The following FGF12 variants were observed in gnomAD, a reference collection of about 807,000 sequenced individuals.
The protein encoded by FGF12 is fibroblast growth factor 12B.
In FGF12, 14 loss-of-function variants were observed where a neutral mutation model predicts 23.6. That is an observed-to-expected ratio of 0.59 (90% CI 0.39 to 0.93). FGF12 has a LOEUF of 0.93. FGF12 is among the 40% of genes least tolerant of loss of function. The probability of loss-of-function intolerance (pLI) is 0.00; values close to 1 mark genes in which losing one functional copy is unlikely to be tolerated. For missense variants in FGF12, 175 were observed against 217.8 expected (o/e 0.80, Z 1.24); for synonymous variants, 62 against 77.3 (o/e 0.80, Z 1.04).
At position 192,158,310 on chromosome 3, in the gene FGF12, T is replaced by TTTTCTCTTTCTTTC. The variant is rs879262178; in HGVS notation, c.427+12134_427+12147dup. Among the ~76,000 whole-genome samples the TTTTCTCTTTCTTTC allele has an allele frequency of 7.7e-3, 1,028 of 132,960 alleles. 33 individuals carry two copies. The highest frequency in any genetic ancestry group is 0.018 in the East Asian group (74 of 4,130). 87.2% of individuals were successfully genotyped at this position (132,960 alleles called of 152,430 possible). A position where few individuals can be genotyped will look rare whatever the true frequency, so the allele number is the denominator to read the frequency against. Reference sequence around the variant, plus strand: ...GGAAATAGACCTGCCTGCTTTTCCCTTTTCTCTTTCTTTCTTTCTTTCTCT... The same window carrying TTTTCTCTTTCTTTC: ...GGAAATAGACCTGCCTGCTTTTCCCTTTTCTCTTTCTTTCTTTCTCTTTCTTTCTTTCTTTCTCT... On this transcript the variant is annotated intron_variant, in intron 5 of 5. Transcript: ENST00000445105.
At chr3:192,399,983 A>G (rs1720690419) in intron 2 of FGF12, among the ~76,000 whole-genome samples, 1 of 152,180 alleles carries the variant, frequency 6.6e-6, no homozygotes, top group Non-Finnish European at 1.5e-5. Context: ...CAACCGGAGG[A>G]TCCTCAAGTC....
chr3:192,512,852 A>ATC (rs1724527971), intron 2 of FGF12, among the ~76,000 whole-genome samples: 1 of 131,202 alleles, frequency 7.6e-6, no homozygotes, highest in Non-Finnish European at 1.6e-5. Context: ...ATATATATAT[A>ATC]TATATATAAC....
chr3:192,400,246 G>A lies in FGF12; in HGVS notation c.14-39708C>T, dbSNP rs149511650. Among the ~76,000 whole-genome samples the A allele has an allele frequency of 3.2e-4, 48 of 152,180 alleles. No individual in the cohort carries two copies. In the East Asian group the frequency reaches 4.6e-3, roughly 15 times the overall value. On this transcript the variant is annotated intron_variant, in intron 2 of 5. Coordinates refer to ENST00000445105, the MANE Select transcript of FGF12 (RefSeq NM_004113.6). ...ATTTGTGTTTGTAAAATCACTTGAC[G>A]ATTCGAAGGCCAATGAGTGTTTCTT...
At chr3:192,607,543 A>G (rs1714384245) in intron 2 of FGF12, among the ~76,000 whole-genome samples, 1 of 152,142 alleles carries the variant, frequency 6.6e-6, no homozygotes, top group South Asian at 2.1e-4. Flanking sequence ...ACTAAATATG[A>G]TGTCAATGCC....
Position 192,408,281 on chromosome 3 carries a change from C to G in FGF12, c.14-47743G>C. 6.7e-7 allele frequency: 1 copy of G among 1,497,292 alleles called. No homozygotes were observed. Among genetic ancestry groups the G allele is most frequent in the Non-Finnish European group, 8.9e-7 (1 of 1,128,626 alleles). The allele number at this position is 1,497,292 out of a possible 1,614,324, so 92.8% of individuals were successfully genotyped here. A position where few individuals can be genotyped will look rare whatever the true frequency, so the allele number is the denominator to read the frequency against. On this transcript the variant is annotated intron_variant, in intron 2 of 5. Coordinates refer to ENST00000445105, the MANE Select transcript of FGF12 (RefSeq NM_004113.6). The surrounding 1 kb of genome is among the most constrained non-coding windows in gnomAD (Gnocchi z 7.3). ...CTACTGCGCCCTCCGGCTTGCGCTC[C>G]GCCGGGGCGAGGGCAGGACCTGGGC... is the stretch of plus-strand genomic sequence containing the variant.
At chr3:192,578,639 T>A (rs1713011461) in intron 2 of FGF12, among the ~76,000 whole-genome samples, 1 of 152,194 alleles carries the variant, frequency 6.6e-6, no homozygotes. Flanking sequence ...TAGATATTCT[T>A]CTGCTATGAT....
chr3:192,391,892 T>C (rs1300711014), intron 2 of FGF12, among the ~76,000 whole-genome samples: 1 of 152,200 alleles, frequency 6.6e-6, no homozygotes, highest in Non-Finnish European at 1.5e-5. Flanking sequence ...GAGACTTAGA[T>C]TGGAGACGGT....
At chr3:192,400,824 C>T (rs553672285) in intron 2 of FGF12, among the ~76,000 whole-genome samples, 188 of 152,320 alleles carry the variant, frequency 1.2e-3, no homozygotes, top group Middle Eastern at 0.01. Flanking sequence ...CGACTCTCCA[C>T]TCATAGTCTA....
At chr3:192,693,936 G>C (rs1718025009) in intron 2 of FGF12, among the ~76,000 whole-genome samples, 1 of 152,044 alleles carries the variant, frequency 6.6e-6, no homozygotes, top group African/African-American at 2.4e-5. Flanking sequence ...TTTCTGCCCA[G>C]CAAAGAAAAC....
intron 2 of FGF12, among the ~76,000 whole-genome samples, chr3:192,391,329 C>G (rs1273106756): frequency 6.6e-6 from 1 of 152,094 alleles, no homozygotes. Context: ...GACGTCTAGA[C>G]CAACTGGTGA....
chr3:192,354,844 T>A (rs369173123), intron 3 of FGF12, among the ~76,000 whole-genome samples: 2 of 152,112 alleles, frequency 1.3e-5, no homozygotes, highest in East Asian at 3.9e-4. Flanking sequence ...TAGCTGGAAT[T>A]ACAGGCATGC....
chr3:192,586,103 CACAA>C (rs1363221743), intron 2 of FGF12, among the ~76,000 whole-genome samples: 5 of 152,098 alleles, frequency 3.3e-5, no homozygotes, highest in African/African-American at 4.8e-5. Flanking sequence ...AGCCACCATA[CACAA>C]ACTGAATAAA....
At chr3:192,308,060 C>T (rs925130851) in intron 4 of FGF12, among the ~76,000 whole-genome samples, 1 of 152,174 alleles carries the variant, frequency 6.6e-6, no homozygotes, top group African/African-American at 2.4e-5. Context: ...TAATTATCTA[C>T]AGCTCTATGC....
intron 2 of FGF12, among the ~76,000 whole-genome samples, chr3:192,633,436 G>A (rs1009782498): frequency 8.5e-5 from 13 of 152,100 alleles, no homozygotes; most frequent in Non-Finnish European, 1.5e-4. Flanking sequence ...AAATAAGATC[G>A]CATCCTTAGG....
chr3:192,469,530 A>G (rs1006011661), intron 2 of FGF12, among the ~76,000 whole-genome samples: 11 of 152,224 alleles, frequency 7.2e-5, no homozygotes, highest in African/African-American at 1.2e-4. Context: ...CTTGTCCTCC[A>G]CAATAACCTA....
In FGF12 at chr3:192,360,997, T is replaced by C. The variant is rs975756904; in HGVS notation, c.14-459A>G. On this transcript the variant is annotated intron_variant, in intron 2 of 5. Coordinates refer to ENST00000445105, the MANE Select transcript of FGF12 (RefSeq NM_004113.6). The surrounding 1 kb of genome is among the most constrained non-coding windows in gnomAD (Gnocchi z 4.3). ...CCATCAGAAGTTCCTGGGTTTTGAA[T>C]TTGTGATCAAGTTCAGCCAGAAAGA... is the stretch of plus-strand genomic sequence containing the variant. Among the ~76,000 whole-genome samples the C allele has an allele frequency of 6.6e-6, 1 of 152,006 alleles. No homozygotes were observed. The highest frequency in any genetic ancestry group is 1.5e-5 in the Non-Finnish European group (1 of 68,008).
At chr3:192,462,042 A>G (rs572373661) in intron 2 of FGF12, among the ~76,000 whole-genome samples, 6 of 152,310 alleles carry the variant, frequency 3.9e-5, no homozygotes, top group Non-Finnish European at 7.3e-5. Flanking sequence ...ATGATAAGAA[A>G]ATGAATCAAA....
At chr3:192,410,617 G>A (rs1421421958) in intron 2 of FGF12, among the ~76,000 whole-genome samples, 1 of 152,094 alleles carries the variant, frequency 6.6e-6, no homozygotes, top group Non-Finnish European at 1.5e-5. Context: ...CCCCACCTAT[G>A]GCTCATTTTG....
intron 2 of FGF12, among the ~76,000 whole-genome samples, chr3:192,381,318 C>T (rs1010524936): frequency 5.3e-5 from 8 of 152,130 alleles, no homozygotes; most frequent in African/African-American, 1.2e-4. Flanking sequence ...CTGAAAAATA[C>T]GCACCAAATA....
Sources: gnomAD v4.1 joint callset for allele counts (sites outside exome capture counted in the v4.1 genomes callset) on GRCh38, gnomAD v4.1.1 for gene constraint, Gnocchi (gnomAD v3.1) non-coding constraint, MANE v1.5 for transcripts, NCBI Gene and HGNC (gene_info 2026-07-23, HGNC 2026-07-21) for gene names.